Variants in UNC79 observed in about 807,000 individuals in gnomAD.
The protein encoded by UNC79 is unc-79 subunit of NALCN channel complex.
UNC79 carries 37 observed loss-of-function variants against 283.1 expected under a neutral mutation model. The observed-to-expected ratio is 0.13, with a 90% CI of 0.10 to 0.17. UNC79 has a LOEUF of 0.17. Ranked by LOEUF, UNC79 falls within the 10% of genes least tolerant of loss-of-function variation. UNC79 has a pLI of 1.00. For missense variants in UNC79, 2,272 were observed against 3,211.1 expected, an observed-to-expected ratio of 0.71 and a Z score of 7.07; for synonymous variants, 1,107 against 1,200.2, an observed-to-expected ratio of 0.92 and a Z score of 1.61.
intron 3 of UNC79, among the ~76,000 whole-genome samples, chr14:93,475,723 G>T (rs2057762667): frequency 6.6e-6 from 1 of 152,110 alleles, no homozygotes; most frequent in African/African-American, 2.4e-5. Flanking sequence ...GTCCTGGGTT[G>T]GTCCACTGTG....
rs138239153 is a variant in UNC79 at position 93,674,297 on chromosome 14, G to A, written c.6741+842G>A. On this transcript the variant is annotated intron_variant, in intron 41 of 48. Transcript: ENST00000555664. ...AGACAAATGTCTTTGCCTGGGATTAGGGTTCAGCATAGAGAGGTTGACTGG... is the reference window on the plus strand; with the variant it reads ...AGACAAATGTCTTTGCCTGGGATTAAGGTTCAGCATAGAGAGGTTGACTGG... Among the ~76,000 whole-genome samples the A allele has an allele frequency of 2.4e-4, 37 of 152,320 alleles. No homozygotes were observed. The East Asian group carries it at 7.1e-3, about 29-fold the overall frequency.
intron 1 of UNC79, among the ~76,000 whole-genome samples, chr14:93,387,498 A>G (rs2054803034): frequency 6.6e-6 from 1 of 152,116 alleles, no homozygotes. Flanking sequence ...TCATTGACCC[A>G]CTGGTCATTC....
chr14:93,555,987 C>A (rs1437753388), intron 14 of UNC79, among the ~76,000 whole-genome samples: 1 of 152,098 alleles, frequency 6.6e-6, no homozygotes, highest in African/African-American at 2.4e-5. Context: ...TTTTAAAGAA[C>A]AAGGCCAGGA....
At chr14:93,407,245 G>T (rs951833100) in intron 1 of UNC79, among the ~76,000 whole-genome samples, 1 of 152,102 alleles carries the variant, frequency 6.6e-6, no homozygotes, top group Non-Finnish European at 1.5e-5. Context: ...ACATTTTGGG[G>T]GGATACTATT....
chr14:93,655,851 C>CT (rs1416996008), intron 38 of UNC79, among the ~76,000 whole-genome samples: 11 of 152,144 alleles, frequency 7.2e-5, no homozygotes, highest in African/African-American at 2.7e-4. Flanking sequence ...TTCTGCTTGA[C>CT]TGTTACCCCC....
At chr14:93,659,543 G>T (rs942205947) in intron 39 of UNC79, among the ~76,000 whole-genome samples, 1 of 152,028 alleles carries the variant, frequency 6.6e-6, no homozygotes. Context: ...GGATCTTATC[G>T]TGTTGGTTCT....
chr14:93,693,375 G>C (rs1317611389), intron 46 of UNC79, among the ~76,000 whole-genome samples: 1 of 152,074 alleles, frequency 6.6e-6, no homozygotes, highest in African/African-American at 2.4e-5. Context: ...TTAGTTTTTT[G>C]ATACCAAGAA....
intron 1 of UNC79, among the ~76,000 whole-genome samples, chr14:93,401,156 T>A (rs557437263): frequency 1.8e-4 from 27 of 152,264 alleles, no homozygotes; most frequent in Admixed American, 1.4e-3. Context: ...GGGACAAAAA[T>A]TTTTTTAAAA....
At chr14:93,443,586 G>A (rs2056377283) in intron 1 of UNC79, among the ~76,000 whole-genome samples, 1 of 151,944 alleles carries the variant, frequency 6.6e-6, no homozygotes, top group Admixed American at 6.6e-5. Flanking sequence ...ACCATGCCCG[G>A]CTAATTTTTT....
intron 40 of UNC79, among the ~76,000 whole-genome samples, chr14:93,667,706 A>G (rs1253624963): frequency 6.6e-6 from 1 of 152,336 alleles, no homozygotes; most frequent in African/African-American, 2.4e-5. Flanking sequence ...GAATTTTGAT[A>G]TCAACCAGAG....
chr14:93,467,663 T>TTTTTTTTTTTTTTTTTTTTTTG lies in UNC79; in HGVS notation c.23-7_23-6insTTTTTTTTTTTTTTTTTTTTGT. On this transcript the variant is annotated splice_region_variant and splice_polypyrimidine_tract_variant and intron_variant, in intron 1 of 48. Coordinates refer to ENST00000555664, the Ensembl canonical transcript of UNC79. ...TTTTTTTTTTTTTTTTTTTTTGCTT[T>TTTTTTTTTTTTTTTTTTTTTTG]TATCTAGTTGCTTCCAAGATCCGGT... 1 of 1,251,872 alleles carries TTTTTTTTTTTTTTTTTTTTTTG rather than the reference T, an allele frequency of 8.0e-7. No individual in the cohort carries two copies. The highest frequency in any genetic ancestry group is 1.0e-6 in the Non-Finnish European group (1 of 1,003,484). The allele number at this position is 1,251,872 out of a possible 1,614,324, so 77.5% of individuals were successfully genotyped here.
chr14:93,499,588 A>G (rs1268809983), intron 7 of UNC79, among the ~76,000 whole-genome samples: 1 of 152,172 alleles, frequency 6.6e-6, no homozygotes, highest in East Asian at 1.9e-4. Flanking sequence ...TTAGGCAGGC[A>G]TTATTCTAGG....
Position 93,603,432 on chromosome 14 carries a change from T to C in UNC79, c.3754+14T>C, listed in dbSNP as rs1471156518. 6.2e-7 allele frequency: 1 copy of C among 1,612,708 alleles called. No homozygotes were observed. The highest frequency in any genetic ancestry group is 1.3e-5 in the African/African-American group (1 of 74,890). ...CCTCCAAAATTCGTTGAGTATCTTC[T>C]TTCATCCTTCCGTTAAATCTGTTTA... On this transcript the variant is annotated intron_variant, in intron 26 of 48. Transcript: ENST00000555664.
At chr14:93,523,673 A>G (rs1488472104) in intron 7 of UNC79, among the ~76,000 whole-genome samples, 1 of 152,172 alleles carries the variant, frequency 6.6e-6, no homozygotes, top group East Asian at 1.9e-4. Flanking sequence ...TACCTACCCT[A>G]CAGAGTTGTT....
intron 14 of UNC79, among the ~76,000 whole-genome samples, chr14:93,559,833 C>A (rs974160613): frequency 6.6e-6 from 1 of 151,990 alleles, no homozygotes; most frequent in African/African-American, 2.4e-5. Context: ...GGCTCAGAGG[C>A]CTGACATTCC....
chr14:93,658,264 A>C (rs1405027541), intron 38 of UNC79, among the ~76,000 whole-genome samples: 1 of 152,220 alleles, frequency 6.6e-6, no homozygotes, highest in East Asian at 1.9e-4. Context: ...GCAGATCTCA[A>C]ACGTCAGTGT....
intron 7 of UNC79, among the ~76,000 whole-genome samples, chr14:93,509,509 C>T (rs566995823): frequency 2.0e-5 from 3 of 152,248 alleles, no homozygotes; most frequent in African/African-American, 4.8e-5. Flanking sequence ...AATGGGGATA[C>T]AGGCACTGGG....
chr14:93,379,128 G>T (rs535066652), intron 1 of UNC79, among the ~76,000 whole-genome samples: 4 of 152,116 alleles, frequency 2.6e-5, no homozygotes, highest in African/African-American at 7.2e-5. Flanking sequence ...CTTTAAATCT[G>T]CAACTACTTC....
chr14:93,444,163 T>C (rs1027939496), intron 1 of UNC79, among the ~76,000 whole-genome samples: 1 of 152,212 alleles, frequency 6.6e-6, no homozygotes, highest in Non-Finnish European at 1.5e-5. Context: ...CAGTGGTATC[T>C]TGTGGTTTTA....
Sources: gnomAD v4.1 joint callset for allele counts (sites outside exome capture counted in the v4.1 genomes callset) on GRCh38, gnomAD v4.1.1 for gene constraint, MANE v1.5 for transcripts, NCBI Gene and HGNC (gene_info 2026-07-23, HGNC 2026-07-21) for gene names.